FNDC3B: variants seen among roughly 807,000 people sequenced by gnomAD.
FNDC3B encodes the protein fibronectin type III domain containing 3B.
FNDC3B carries 12 observed loss-of-function variants against 151.5 expected under a neutral mutation model. The ratio of observed to expected loss-of-function variants is 0.08; its 90% CI spans 0.05 to 0.13. The LOEUF is 0.13. FNDC3B is among the 10% of genes least tolerant of loss of function. The pLI is 1.00. For synonymous variants in FNDC3B, 528 were observed against 549.0 expected (o/e 0.96, Z 0.54); for missense variants, 1,214 against 1,505.3 (o/e 0.81, Z 3.20).
Position 172,297,619 on chromosome 3 carries a change from T to C in FNDC3B, c.1002-1109T>C, listed in dbSNP as rs376488528. On this transcript the variant is annotated intron_variant, in intron 8 of 25. Coordinates refer to ENST00000415807, the MANE Select transcript of FNDC3B (RefSeq NM_022763.4). Reference sequence around the variant, plus strand: ...CCTCCTGAGTAGGTAGGATTACAGGTGCCCGCCACCACGCCCGGCTAATTT... The same window carrying C: ...CCTCCTGAGTAGGTAGGATTACAGGCGCCCGCCACCACGCCCGGCTAATTT... 1.4e-3 allele frequency among the ~76,000 whole-genome samples: 217 copies of C among 152,174 alleles called. 1 individual carries two copies. Among genetic ancestry groups the C allele is most frequent in the Middle Eastern group, 3.4e-3 (1 of 294 alleles).
At chr3:172,373,602 C>T (rs1220009282) in intron 23 of FNDC3B, among the ~76,000 whole-genome samples, 2 of 152,276 alleles carry the variant, frequency 1.3e-5, no homozygotes, top group Admixed American at 1.3e-4. Context: ...TTAATGAATT[C>T]TGAAATTAAG....
At chr3:172,372,718 G>A (rs1019719164) in intron 23 of FNDC3B, among the ~76,000 whole-genome samples, 2 of 152,126 alleles carry the variant, frequency 1.3e-5, no homozygotes, top group African/African-American at 4.8e-5. Context: ...GGAGCCAGAG[G>A]TCCTCAGGAT....
chr3:172,136,370 G>GAC (rs1307631407), intron 3 of FNDC3B, among the ~76,000 whole-genome samples: 4 of 152,202 alleles, frequency 2.6e-5, no homozygotes, highest in Non-Finnish European at 5.9e-5. Context: ...AGCAGACAGT[G>GAC]TGATGCAGGG....
At chr3:172,339,556 C>CT (rs1345272039) in intron 16 of FNDC3B, among the ~76,000 whole-genome samples, 1 of 152,102 alleles carries the variant, frequency 6.6e-6, no homozygotes, top group Non-Finnish European at 1.5e-5. Flanking sequence ...GAGTAAGACT[C>CT]TGTCTCGGAA....
intron 1 of FNDC3B, among the ~76,000 whole-genome samples, chr3:172,092,021 C>A (rs1310493236): frequency 6.6e-6 from 1 of 151,960 alleles, no homozygotes; most frequent in East Asian, 1.9e-4. Context: ...ATTTCATGAC[C>A]ATGCATGGCA....
At chr3:172,337,684 G>GT (rs1415729410) in intron 16 of FNDC3B, 2 of 376,600 alleles carry the variant, frequency 5.3e-6, no homozygotes, top group African/African-American at 4.3e-5. Flanking sequence ...TCTTTGGTTT[G>GT]GTTTGTTTTT....
chr3:172,276,405 T>C (rs1391846603), intron 6 of FNDC3B, among the ~76,000 whole-genome samples: 1 of 152,042 alleles, frequency 6.6e-6, no homozygotes, highest in Non-Finnish European at 1.5e-5. Flanking sequence ...TTTTAACACA[T>C]TGAATTAAAA....
intron 3 of FNDC3B, among the ~76,000 whole-genome samples, chr3:172,177,857 CT>C (rs1231460341): frequency 6.6e-6 from 1 of 151,872 alleles, no homozygotes; most frequent in African/African-American, 2.4e-5. Flanking sequence ...CCCCTCACCC[CT>C]GTCCCTGACA....
chr3:172,183,609 C>G (rs143918844), intron 3 of FNDC3B, among the ~76,000 whole-genome samples: 1 of 152,348 alleles, frequency 6.6e-6, no homozygotes, highest in East Asian at 1.9e-4. Context: ...TGAGACATTT[C>G]ATGGTTTCAC....
In FNDC3B at chr3:172,397,634, G is replaced by A. The variant is rs1327363568; in HGVS notation, c.*159G>A. ...TGTCAGTGTTTTGGTGCACCTTTTT[G>A]AAATGCAAAACTAGGAAAAGGTTAA... On this transcript the variant is annotated 3_prime_UTR_variant, in exon 26 of 26. Transcript: ENST00000415807. The A allele has an allele frequency of 1.0e-5, 4 of 401,992 alleles. No homozygotes were observed. Among genetic ancestry groups the A allele is most frequent in the South Asian group, 1.1e-4 (1 of 9,124 alleles). 24.9% of individuals were successfully genotyped at this position (401,992 alleles called of 1,614,324 possible). A position where few individuals can be genotyped will look rare whatever the true frequency, so the allele number is the denominator to read the frequency against.
rs1040121346 is a variant in FNDC3B at position 172,159,872 on chromosome 3, A to C, written c.187+26326A>C. On this transcript the variant is annotated intron_variant, in intron 3 of 25. Coordinates refer to ENST00000415807, the MANE Select transcript of FNDC3B (RefSeq NM_022763.4). ...GCCTTATATATGTTCCTTTATCTTA[A>C]GATAACATAGATAGTACACCATTTT... 1.2e-4 allele frequency among the ~76,000 whole-genome samples: 19 copies of C among 152,230 alleles called. 1 individual carries two copies. Among genetic ancestry groups the C allele is most frequent in the Admixed American group, 9.2e-4 (14 of 15,284 alleles).
intron 1 of FNDC3B, among the ~76,000 whole-genome samples, chr3:172,099,856 G>GT (rs151023399): frequency 0.023 from 3,495 of 152,028 alleles, 148 homozygotes; most frequent in African/African-American, 0.08. Flanking sequence ...ACAGCAATCT[G>GT]TTTTTTTTAT....
chr3:172,184,596 G>A (rs1248396459), intron 3 of FNDC3B, among the ~76,000 whole-genome samples: 1 of 152,156 alleles, frequency 6.6e-6, no homozygotes, highest in South Asian at 2.1e-4. Context: ...GACAAATGGT[G>A]TATCAGTGTG....
chr3:172,189,799 T>TAAAAAA (rs60894339), intron 3 of FNDC3B, among the ~76,000 whole-genome samples: 3 of 84,314 alleles, frequency 3.6e-5, no homozygotes, highest in African/African-American at 9.7e-5. Flanking sequence ...AGACCTTGTC[T>TAAAAAA]AAAAAAAAAA....
intron 1 of FNDC3B, among the ~76,000 whole-genome samples, chr3:172,095,148 G>A (rs1192977232): frequency 1.3e-5 from 2 of 152,038 alleles, no homozygotes; most frequent in East Asian, 3.9e-4. Flanking sequence ...TCATCCTGTT[G>A]TTCAAAGTAA....
chr3:172,143,460 CAA>C lies in FNDC3B; in HGVS notation c.187+9916_187+9917del, dbSNP rs150944215. On this transcript the variant is annotated intron_variant, in intron 3 of 25. Coordinates refer to ENST00000415807, the MANE Select transcript of FNDC3B (RefSeq NM_022763.4). Reference sequence around the variant, plus strand: ...CCTTAAAGATACATCAACTTTTTCCCAAACTTTGTATTTATTTTTGTGTTATT... The same window carrying C: ...CCTTAAAGATACATCAACTTTTTCCCACTTTGTATTTATTTTTGTGTTATT... Among the ~76,000 whole-genome samples the C allele has an allele frequency of 7.9e-3, 1,201 of 152,150 alleles. 4 individuals carry two copies. The highest frequency in any genetic ancestry group is 0.012 in the Non-Finnish European group (837 of 67,998).
intron 4 of FNDC3B, among the ~76,000 whole-genome samples, chr3:172,243,116 C>T (rs1277688768): frequency 6.6e-6 from 1 of 152,170 alleles, no homozygotes; most frequent in Non-Finnish European, 1.5e-5. Flanking sequence ...TCAGCCTGGG[C>T]CTTATTGTTC....
At chr3:172,133,424 C>A in intron 2 of FNDC3B, 47 bp from the exon 3 acceptor site, 1 of 1,426,426 alleles carries the variant, frequency 7.0e-7, no homozygotes. Flanking sequence ...CTTAACAAAT[C>A]CCAGAGGTTC....
chr3:172,363,896 G>GA (rs964651926), intron 23 of FNDC3B, among the ~76,000 whole-genome samples: 14 of 152,130 alleles, frequency 9.2e-5, no homozygotes, highest in African/African-American at 3.4e-4. Context: ...AGTGTCAGAG[G>GA]AAAAAATTGC....
Sources: allele counts gnomAD v4.1 joint callset (sites outside exome capture counted in the v4.1 genomes callset), GRCh38; gene constraint gnomAD v4.1.1; transcripts MANE v1.5; gene names NCBI Gene and HGNC (gene_info 2026-07-23, HGNC 2026-07-21).